The following LRBA variants were observed in gnomAD, a reference collection of about 807,000 sequenced individuals.
LRBA encodes the protein lipopolysaccharide-responsive and beige-like anchor protein.
In LRBA, 176 loss-of-function variants were observed where a neutral mutation model predicts 330.0. That is an observed-to-expected ratio of 0.53 (90% CI 0.47 to 0.60). The LOEUF (loss-of-function observed/expected upper bound fraction) is 0.60, where lower values mean the gene tolerates loss of function less well. Among genes scored for constraint, LRBA ranks in the 20% least tolerant of loss-of-function variants. The probability of loss-of-function intolerance (pLI) is 0.00; values close to 1 mark genes in which losing one functional copy is unlikely to be tolerated. For missense variants in LRBA, 3,259 were observed against 3,444.8 expected, an observed-to-expected ratio of 0.95 and a Z score of 1.35; for synonymous variants, 1,230 against 1,193.0, an observed-to-expected ratio of 1.03 and a Z score of -0.64.
At chr4:150,637,540 T>C (rs1778046296) in intron 37 of LRBA, among the ~76,000 whole-genome samples, 1 of 152,114 alleles carries the variant, frequency 6.6e-6, no homozygotes, top group South Asian at 2.1e-4. Flanking sequence ...ACTCCAAAAA[T>C]TAGGTTACAA....
chr4:150,995,115 A>T (rs1742492832), intron 2 of LRBA, among the ~76,000 whole-genome samples: 1 of 152,004 alleles, frequency 6.6e-6, no homozygotes, highest in Admixed American at 6.5e-5. Context: ...AAGAGAAAAA[A>T]CGAAGTCACC....
Position 150,844,195 on chromosome 4 carries a change from T to C in LRBA, c.4474A>G (p.Ile1492Val), listed in dbSNP as rs780966039. 1 of 1,595,098 alleles carries C rather than the reference T, an allele frequency of 6.3e-7. No individual in the cohort carries two copies. Among genetic ancestry groups the C allele is most frequent in the Admixed American group, 1.7e-5 (1 of 59,972 alleles). Residue 1492 changes from isoleucine (I) to valine (V), a missense_variant, in exon 28 of 57, where the codon ATT becomes GTT. Ile to Val is a conservative substitution (Grantham distance 29, BLOSUM62 3). Coordinates refer to ENST00000651943, the MANE Select transcript of LRBA (RefSeq NM_001364905.1). ...ACTGGAGATATACCGCCAGTCACAA[T>C]GTCCACTGGGCTCTATTTAAGATTA... is the stretch of plus-strand genomic sequence containing the variant. The part of the protein sequence containing the change: ...GKSAAKSPVD[I>V]VTGGISPVRD...
Position 150,556,417 on chromosome 4 carries a change from GA to G in LRBA, c.6330+31630del, listed in dbSNP as rs1256947249. ...TAAAGCTCTACGAGGAACCAAATCA[GA>G]GCTATTCTTACTTATTGCTGTAATC... On this transcript the variant is annotated intron_variant, in intron 40 of 56. Coordinates refer to ENST00000651943, the MANE Select transcript of LRBA (RefSeq NM_001364905.1). 2.0e-5 allele frequency among the ~76,000 whole-genome samples: 3 copies of G among 152,186 alleles called. No individual in the cohort carries two copies. The East Asian group carries it at 5.8e-4, about 29-fold the overall frequency.
chr4:150,816,999 A>G (rs1744692390), intron 31 of LRBA, 125 bp downstream of exon 31: 10 of 731,110 alleles, frequency 1.4e-5, no homozygotes, highest in Non-Finnish European at 2.3e-5. Context: ...GTAGTAAACA[A>G]TCAACAGTAT....
intron 47 of LRBA, among the ~76,000 whole-genome samples, chr4:150,392,530 T>C (rs189621641): frequency 2.6e-5 from 4 of 152,302 alleles, no homozygotes; most frequent in Middle Eastern, 3.4e-3. Flanking sequence ...ATCCTCACAT[T>C]GTTGGTAGGG....
chr4:150,764,127 A>G (rs1359354096), intron 34 of LRBA, among the ~76,000 whole-genome samples: 1 of 152,056 alleles, frequency 6.6e-6, no homozygotes, highest in Non-Finnish European at 1.5e-5. Flanking sequence ...TAGTTAAAGA[A>G]GAAAATGAAG....
At chr4:150,644,997 G>A (rs1778995668) in intron 37 of LRBA, among the ~76,000 whole-genome samples, 1 of 151,628 alleles carries the variant, frequency 6.6e-6, no homozygotes, top group Admixed American at 6.6e-5. Flanking sequence ...GTGTCATGGT[G>A]AACTTCATTC....
intron 26 of LRBA, among the ~76,000 whole-genome samples, chr4:150,846,712 TA>T (rs1033639385): frequency 2.1e-4 from 32 of 152,256 alleles, no homozygotes; most frequent in African/African-American, 7.5e-4. Flanking sequence ...TTGTACCCCA[TA>T]AATTTACACA....
intron 54 of LRBA, among the ~76,000 whole-genome samples, chr4:150,285,022 G>T: frequency 6.6e-6 from 1 of 152,060 alleles, no homozygotes; most frequent in East Asian, 1.9e-4. Flanking sequence ...TTGAGTATAA[G>T]GGAAAAATCC....
chr4:150,792,240 A>G (rs1226457781), intron 34 of LRBA, among the ~76,000 whole-genome samples: 1 of 151,416 alleles, frequency 6.6e-6, no homozygotes, highest in Non-Finnish European at 1.5e-5. Flanking sequence ...CCCTAAACAC[A>G]GCACACTATG....
At chr4:150,858,031 G>A (rs1477602099) in intron 22 of LRBA, among the ~76,000 whole-genome samples, 1 of 151,902 alleles carries the variant, frequency 6.6e-6, no homozygotes, top group African/African-American at 2.4e-5. Flanking sequence ...AAAAGGTCTC[G>A]CACTAAAATG....
chr4:150,449,200 T>C (rs1256138451), intron 44 of LRBA, among the ~76,000 whole-genome samples: 3 of 151,966 alleles, frequency 2.0e-5, no homozygotes, highest in East Asian at 1.9e-4. Flanking sequence ...GGAAAAGGGA[T>C]AGAAAATCCT....
At chr4:150,717,422 C>CAAAG (rs1412848086) in intron 36 of LRBA, among the ~76,000 whole-genome samples, 5 of 151,776 alleles carry the variant, frequency 3.3e-5, no homozygotes, top group South Asian at 2.1e-4. Context: ...TATATGTAAT[C>CAAAG]CCACCACTTT....
chr4:150,579,716 G>A (rs1165666173), intron 40 of LRBA: 2 of 456,458 alleles, frequency 4.4e-6, no homozygotes, highest in Non-Finnish European at 4.4e-6. Flanking sequence ...CGCTCGGCCT[G>A]GGACGCCCCA....
intron 37 of LRBA, among the ~76,000 whole-genome samples, chr4:150,655,872 G>C (rs1418623806): frequency 1.3e-5 from 2 of 152,122 alleles, no homozygotes; most frequent in African/African-American, 2.4e-5. Flanking sequence ...CTTCCAAATA[G>C]CTACTTTCCA....
intron 36 of LRBA, among the ~76,000 whole-genome samples, chr4:150,714,742 T>C (rs899057587): frequency 1.3e-5 from 2 of 152,200 alleles, no homozygotes; most frequent in Non-Finnish European, 2.9e-5. Context: ...GTTGGTATAA[T>C]ATTTAATTTT....
intron 40 of LRBA, among the ~76,000 whole-genome samples, chr4:150,524,125 T>C (rs1418692220): frequency 1.3e-5 from 2 of 152,208 alleles, no homozygotes; most frequent in Admixed American, 6.5e-5. Flanking sequence ...CAGAGTACTA[T>C]ATATTATCTA....
At chr4:150,634,996 C>T (rs895285788) in intron 37 of LRBA, among the ~76,000 whole-genome samples, 7 of 152,122 alleles carry the variant, frequency 4.6e-5, no homozygotes, top group African/African-American at 1.7e-4. Flanking sequence ...TGTGAATCTG[C>T]CTAAGCGGGG....
chr4:150,468,889 A>G (rs1755768005), intron 43 of LRBA, among the ~76,000 whole-genome samples: 1 of 151,898 alleles, frequency 6.6e-6, no homozygotes, highest in African/African-American at 2.4e-5. Context: ...TATTAGGGTA[A>G]CAGAGTTCAT....
Sources: gnomAD v4.1 joint callset for allele counts (sites outside exome capture counted in the v4.1 genomes callset) on GRCh38, gnomAD v4.1.1 for gene constraint, MANE v1.5 for transcripts, NCBI Gene and HGNC (gene_info 2026-07-23, HGNC 2026-07-21) for gene names.